The following HOGA1 variants were observed in gnomAD, a reference collection of about 807,000 sequenced individuals.
HOGA1 encodes the protein 4-hydroxy-2-oxoglutarate aldolase, mitochondrial.
A neutral mutation model predicts 34.3 loss-of-function variants in HOGA1; 30 were observed. The observed-to-expected ratio is 0.87, with a 90% CI of 0.65 to 1.19. The LOEUF is 1.19. Ranked by LOEUF, HOGA1 falls within the 50% of genes most tolerant of loss-of-function variation. HOGA1 has a pLI of 0.00. For missense variants in HOGA1, 417 were observed against 436.5 expected, an observed-to-expected ratio of 0.96 and a Z score of 0.40; for synonymous variants, 161 against 174.0, an observed-to-expected ratio of 0.93 and a Z score of 0.59.
Position 97,597,925 on chromosome 10 carries a change from G to C in HOGA1, c.212-850G>C, listed in dbSNP as rs2041083859. 2.0e-5 allele frequency among the ~76,000 whole-genome samples: 3 copies of C among 152,170 alleles called. No homozygotes were observed. In the South Asian group the frequency reaches 6.2e-4, roughly 31 times the overall value. On this transcript the variant is annotated intron_variant, in intron 1 of 6. Coordinates refer to ENST00000370646, the MANE Select transcript of HOGA1 (RefSeq NM_138413.4). ...TGATTGTGACACTGCACTCCAGCCT[G>C]GGTGACAGAGTGAGACCCTCAAAGA...
At position 97,600,097 on chromosome 10, in the gene HOGA1, A is replaced by G. The variant is rs779492256; in HGVS notation, c.634A>G (p.Thr212Ala). Residue 212 changes from threonine to alanine, a missense_variant, in exon 5 of 7, where the codon ACC (threonine) becomes GCC (alanine). Transcript: ENST00000370646. The part of the protein sequence containing the change: ...VTRIGLIVHK[T>A]RKQDFQVLAG... ...CAGGATTGGGCTGATTGTTCACAAG[A>G]CCAGGAAGCAGGATTTTCAGGTGTT... The G allele has an allele frequency of 2.5e-6, 4 of 1,614,142 alleles. No individual in the cohort carries two copies. Among genetic ancestry groups the G allele is most frequent in the Non-Finnish European group, 1.7e-6 (2 of 1,180,018 alleles).
chr10:97,588,377 G>A (rs1248763150), intron 1 of HOGA1, among the ~76,000 whole-genome samples: 1 of 148,190 alleles, frequency 6.7e-6, no homozygotes, highest in African/African-American at 2.4e-5. Context: ...TTTTGTGTGT[G>A]TGTGTGTATT....
chr10:97,599,628 G>A (rs2041100047), intron 3 of HOGA1, 52 bp from the exon 4 acceptor site: 1 of 1,610,776 alleles, frequency 6.2e-7, no homozygotes, highest in Non-Finnish European at 8.5e-7. Flanking sequence ...TCTGGCTCTT[G>A]GGACCTGGGG....
chr10:97,598,428 A>G (rs2041087319), intron 1 of HOGA1, among the ~76,000 whole-genome samples: 1 of 152,264 alleles, frequency 6.6e-6, no homozygotes, highest in African/African-American at 2.4e-5. Context: ...CTCAAAAAAT[A>G]GTATTAAACA....
intron 1 of HOGA1, among the ~76,000 whole-genome samples, chr10:97,593,207 G>A (rs947492555): frequency 1.3e-5 from 2 of 151,974 alleles, no homozygotes; most frequent in Admixed American, 6.6e-5. Flanking sequence ...CGAACACGGC[G>A]GCTCACGCCT....
intron 1 of HOGA1, among the ~76,000 whole-genome samples, chr10:97,589,526 C>A (rs567139455): frequency 6.6e-6 from 1 of 152,034 alleles, no homozygotes; most frequent in Non-Finnish European, 1.5e-5. Flanking sequence ...TTTCACTGAG[C>A]CTGGGGACAG....
intron 1 of HOGA1, chr10:97,589,711 C>T (rs990074673): frequency 9.1e-6 from 5 of 546,524 alleles, no homozygotes; most frequent in African/African-American, 1.9e-5. Context: ...CAGCAGGGGG[C>T]CTGCCTGTCA....
chr10:97,596,107 G>C (rs1458894411), intron 1 of HOGA1, among the ~76,000 whole-genome samples: 3 of 152,262 alleles, frequency 2.0e-5, no homozygotes, highest in Non-Finnish European at 2.9e-5. Flanking sequence ...TGACTCTTGA[G>C]TCTAGTGCTG....
At chr10:97,591,254 G>A (rs1268009898) in intron 1 of HOGA1, among the ~76,000 whole-genome samples, 1 of 152,050 alleles carries the variant, frequency 6.6e-6, no homozygotes, top group Non-Finnish European at 1.5e-5. Flanking sequence ...TGTCGTCTTG[G>A]TGCTATCTTT....
At chr10:97,605,362 G>T (rs4919116) in intron 6 of HOGA1, among the ~76,000 whole-genome samples, 85,408 of 150,660 alleles carry the variant, frequency 0.57, 26,890 homozygotes, top group Non-Finnish European at 0.73. Flanking sequence ...AGTGAGCTGT[G>T]ATTTTGCCAC....
intron 1 of HOGA1, among the ~76,000 whole-genome samples, chr10:97,592,364 T>C (rs558233794): frequency 1.8e-4 from 27 of 150,792 alleles, no homozygotes; most frequent in Admixed American, 2.0e-4. Context: ...CCTCAGTCTC[T>C]CGAGTAGCTG....
At chr10:97,597,036 T>C (rs1157212676) in intron 1 of HOGA1, among the ~76,000 whole-genome samples, 1 of 152,092 alleles carries the variant, frequency 6.6e-6, no homozygotes, top group Admixed American at 6.6e-5. Context: ...CTCACAACTA[T>C]ATGGCAGGAA....
intron 1 of HOGA1, among the ~76,000 whole-genome samples, chr10:97,594,202 G>T (rs1436528620): frequency 3.7e-5 from 4 of 108,876 alleles, no homozygotes; most frequent in Non-Finnish European, 6.9e-5. Flanking sequence ...TTGAGACAGA[G>T]TCTCACTCTG....
Position 97,611,611 on chromosome 10 carries a change from T to C in HOGA1, c.936T>C (p.Ala312=), listed in dbSNP as rs2135729908. 15 of 1,614,138 alleles carry C rather than the reference T, an allele frequency of 9.3e-6. No homozygotes were observed. The highest frequency in any genetic ancestry group is 1.2e-5 in the Non-Finnish European group (14 of 1,180,004). The change falls in exon 7 of 7, where the codon GCT becomes GCC. Residue 312 remains alanine (A), a synonymous_variant. Coordinates refer to ENST00000370646, the MANE Select transcript of HOGA1 (RefSeq NM_138413.4). ...CCCCCTTGCAGGAGCTGAGCCCCGC[T>C]GAGGAGGAGGCACTGCGCATGGATT... The part of the protein sequence containing the change: ...CRAPLQELSP[A]EEEALRMDFT...
At chr10:97,590,171 G>C in intron 1 of HOGA1, 11 of 1,614,068 alleles carry the variant, frequency 6.8e-6, no homozygotes, top group Non-Finnish European at 9.3e-6. Context: ...TCTGCACCGG[G>C]AATCCTTCAC....
intron 3 of HOGA1, 31 bp downstream of exon 3, chr10:97,599,247 C>T (rs765873125): frequency 1.2e-6 from 2 of 1,613,398 alleles, no homozygotes; most frequent in Admixed American, 3.3e-5. Context: ...CAAGAGGAGG[C>T]TCTGCCCAGG....
rs998117625 is a variant in HOGA1, at chr10:97,612,764, T to C, written c.*1105T>C. On this transcript the variant is annotated 3_prime_UTR_variant, in exon 7 of 7. Coordinates refer to ENST00000370646, the MANE Select transcript of HOGA1 (RefSeq NM_138413.4). ...GGCACTCTGCTTTTATTATTAAAAATAGTCACTTTGTTACTATAATAAAAT... is the reference window on the plus strand; with the variant it reads ...GGCACTCTGCTTTTATTATTAAAAACAGTCACTTTGTTACTATAATAAAAT... 6.6e-6 allele frequency: 1 copy of C among 152,254 alleles called. No homozygotes were observed. The highest frequency in any genetic ancestry group is 2.4e-5 in the African/African-American group (1 of 41,474). The allele number at this position is 152,254 out of a possible 1,614,324, so 9.4% of individuals were successfully genotyped here.
intron 6 of HOGA1, among the ~76,000 whole-genome samples, chr10:97,606,008 G>C (rs1027455300): frequency 1.3e-5 from 2 of 151,840 alleles, no homozygotes; most frequent in Non-Finnish European, 2.9e-5. Flanking sequence ...AAGAGTTCTG[G>C]GCATGGTGGC....
At chr10:97,590,704 T>G (rs1309134862) in intron 1 of HOGA1, 2 of 809,874 alleles carry the variant, frequency 2.5e-6, no homozygotes, top group Non-Finnish European at 3.9e-6. Flanking sequence ...TGTGCCCAAA[T>G]CCCTACTTTC....
Sources: allele counts gnomAD v4.1 joint callset (sites outside exome capture counted in the v4.1 genomes callset), GRCh38; gene constraint gnomAD v4.1.1; transcripts MANE v1.5; gene names NCBI Gene and HGNC (gene_info 2026-07-23, HGNC 2026-07-21).